Variants in WWOX observed in about 807,000 individuals in gnomAD.
WWOX encodes the protein WW domain containing oxidoreductase.
Under a neutral mutation model 46.2 loss-of-function variants are expected in WWOX, and 69 were observed. The ratio of observed to expected loss-of-function variants is 1.49; its 90% CI spans 1.23 to 1.82. The LOEUF (loss-of-function observed/expected upper bound fraction) is 1.82, where lower values mean the gene tolerates loss of function less well. WWOX is among the 40% of genes most tolerant of loss of function. WWOX has a pLI of 0.00. For synonymous variants in WWOX, 359 were observed against 202.6 expected (o/e 1.77, Z -6.56); for missense variants, 919 against 542.6 (o/e 1.69, Z -6.89).
At chr16:78,782,767 T>C (rs2050362079) in intron 8 of WWOX, among the ~76,000 whole-genome samples, 1 of 151,998 alleles carries the variant, frequency 6.6e-6, no homozygotes, top group Non-Finnish European at 1.5e-5. Context: ...AAGTCTCATA[T>C]GCTGTATTTT....
intron 8 of WWOX, among the ~76,000 whole-genome samples, chr16:79,114,380 A>ACG (rs1476886585): frequency 2.0e-5 from 3 of 151,120 alleles, no homozygotes; most frequent in Non-Finnish European, 4.4e-5. Flanking sequence ...GTGTGTGCAC[A>ACG]CATATCTACG....
At chr16:78,646,626 C>A (rs114875261) in intron 8 of WWOX, among the ~76,000 whole-genome samples, 4,841 of 152,222 alleles carry the variant, frequency 0.032, 275 homozygotes, top group African/African-American at 0.11. Context: ...CTAGGTTTCA[C>A]CATGTTGGCC....
chr16:78,391,474 A>T (rs1228154028), intron 6 of WWOX, among the ~76,000 whole-genome samples: 4 of 152,150 alleles, frequency 2.6e-5, no homozygotes, highest in Non-Finnish European at 5.9e-5. Context: ...CTGAATCCAA[A>T]ACGACTTTTT....
rs187490663 is a variant in WWOX, at chr16:78,715,169, C to A, written c.1056+282417C>A. Among the ~76,000 whole-genome samples the A allele has an allele frequency of 7.2e-5, 11 of 152,174 alleles. No individual in the cohort carries two copies. The East Asian group carries it at 1.9e-3, about 27-fold the overall frequency. On this transcript the variant is annotated intron_variant, in intron 8 of 8. Coordinates refer to ENST00000566780, the MANE Select transcript of WWOX (RefSeq NM_016373.4). ...GAATTAGGATTGGAAACACAGAGAT[C>A]AGTTAGAAGATTTATCAGTGAGAAA...
At chr16:78,858,482 CTA>C (rs928415413) in intron 8 of WWOX, among the ~76,000 whole-genome samples, 6 of 151,754 alleles carry the variant, frequency 4.0e-5, no homozygotes, top group African/African-American at 1.5e-4. Context: ...TAAAAAAAAA[CTA>C]TACACATAGC....
chr16:78,785,425 A>G (rs939976432), intron 8 of WWOX, among the ~76,000 whole-genome samples: 3 of 152,204 alleles, frequency 2.0e-5, no homozygotes, highest in South Asian at 2.1e-4. Context: ...ATCGGCAGCC[A>G]GTGGTGTGCT....
intron 8 of WWOX, among the ~76,000 whole-genome samples, chr16:79,115,717 A>T (rs1408035851): frequency 6.6e-6 from 1 of 152,192 alleles, no homozygotes; most frequent in African/African-American, 2.4e-5. Flanking sequence ...TAAATAAGAG[A>T]AAAAAACAGT....
At chr16:78,244,784 C>T (rs2037765112) in intron 5 of WWOX, among the ~76,000 whole-genome samples, 1 of 152,124 alleles carries the variant, frequency 6.6e-6, no homozygotes, top group South Asian at 2.1e-4. Flanking sequence ...AGCCCTTATC[C>T]AGTGAATTCT....
chr16:78,226,951 C>T (rs1353372332), intron 5 of WWOX, among the ~76,000 whole-genome samples: 4 of 152,156 alleles, frequency 2.6e-5, no homozygotes, highest in African/African-American at 9.7e-5. Context: ...TTTCTTTTGA[C>T]ACAGCAGGCA....
At chr16:78,840,038 A>C (rs2052096346) in intron 8 of WWOX, among the ~76,000 whole-genome samples, 1 of 152,212 alleles carries the variant, frequency 6.6e-6, no homozygotes, top group South Asian at 2.1e-4. Context: ...GAGTTAACAA[A>C]TTACTGGGTG....
chr16:78,772,059 G>A (rs1021485886), intron 8 of WWOX, among the ~76,000 whole-genome samples: 1 of 151,892 alleles, frequency 6.6e-6, no homozygotes, highest in Non-Finnish European at 1.5e-5. Context: ...CTTTTATTTT[G>A]GGTTCAGGGG....
chr16:79,170,723 T>A (rs1393131153), intron 8 of WWOX, among the ~76,000 whole-genome samples: 1 of 150,928 alleles, frequency 6.6e-6, no homozygotes, highest in Admixed American at 6.6e-5. Context: ...CAATTCATGA[T>A]TTTTTTTTCT....
At chr16:79,080,467 C>G (rs968439956) in intron 8 of WWOX, among the ~76,000 whole-genome samples, 1 of 152,170 alleles carries the variant, frequency 6.6e-6, no homozygotes, top group Non-Finnish European at 1.5e-5. Flanking sequence ...TTCAATTCTT[C>G]TCTTGCCACA....
intron 8 of WWOX, among the ~76,000 whole-genome samples, chr16:78,995,016 C>A (rs1200228121): frequency 1.5e-5 from 2 of 131,830 alleles, no homozygotes; most frequent in African/African-American, 5.6e-5. Flanking sequence ...CTCTCCTTTC[C>A]CATTATGCAC....
chr16:78,919,582 A>G (rs1379367480), intron 8 of WWOX, among the ~76,000 whole-genome samples: 2 of 138,620 alleles, frequency 1.4e-5, no homozygotes, highest in African/African-American at 2.7e-5. Context: ...CAATGGCGCG[A>G]TCTCAGCTCA....
intron 8 of WWOX, among the ~76,000 whole-genome samples, chr16:79,155,492 A>G (rs898503268): frequency 6.6e-6 from 1 of 152,154 alleles, no homozygotes; most frequent in Non-Finnish European, 1.5e-5. Context: ...TTAAAATGTA[A>G]TCATTTTAAA....
chr16:79,206,760 G>T (rs760806995), intron 8 of WWOX: 2 of 152,206 alleles, frequency 1.3e-5, no homozygotes, highest in African/African-American at 4.8e-5. Flanking sequence ...CATTATAGAA[G>T]TATCACGGTG....
chr16:78,440,115 G>C (rs1340859871), intron 8 of WWOX, among the ~76,000 whole-genome samples: 1 of 152,110 alleles, frequency 6.6e-6, no homozygotes, highest in African/African-American at 2.4e-5. Context: ...TGAGGAAAAA[G>C]GATAGGGTAA....
intron 8 of WWOX, among the ~76,000 whole-genome samples, chr16:78,528,762 A>G (rs1246081597): frequency 6.6e-6 from 1 of 152,094 alleles, no homozygotes; most frequent in Non-Finnish European, 1.5e-5. Context: ...TTTGAGGAAA[A>G]TGAAAAGGCC....
Sources: gnomAD v4.1 joint callset for allele counts (sites outside exome capture counted in the v4.1 genomes callset) on GRCh38, gnomAD v4.1.1 for gene constraint, MANE v1.5 for transcripts, NCBI Gene and HGNC (gene_info 2026-07-23, HGNC 2026-07-21) for gene names.